Variants in FLG observed in about 807,000 individuals in gnomAD.
The protein encoded by FLG is filaggrin, also known as epidermal filaggrin.
FLG carries 6 observed loss-of-function variants against 3.8 expected under a neutral mutation model. That is an observed-to-expected ratio of 1.60 (90% CI 0.87 to 3.15). The LOEUF (loss-of-function observed/expected upper bound fraction) is 3.15, where lower values mean the gene tolerates loss of function less well. Ranked by LOEUF, FLG falls within the 30% of genes most tolerant of loss-of-function variation. The pLI, the probability that FLG is intolerant of heterozygous loss-of-function variation, is 0.00. For synonymous variants in FLG, 2,551 were observed against 1,931.6 expected (o/e 1.32, Z -8.41); for missense variants, 7,595 against 5,050.9 (o/e 1.50, Z -15.27).
Position 152,304,630 on chromosome 1 carries a change from C to T in FLG, c.10256G>A (p.Arg3419Gln), listed in dbSNP as rs267598028. Residue 3419 changes from arginine to glutamine, a missense_variant, in exon 3 of 3, where the codon CGA becomes CAA. Physicochemically the swap from Arg to Gln is conservative, Grantham distance 43 (BLOSUM62 1). Coordinates refer to ENST00000368799, the MANE Select transcript of FLG (RefSeq NM_002016.2). ...RRQGSHHEQA[R>Q]DSSRHSASQE... is the part of the protein sequence containing the mutation. The stretch of plus-strand genomic sequence containing the variant: ...GGACGCTGAGTGCCTGGAGCTGTCT[C>T]GTGCCTGCTCGTGGTGGGATCCTTG... The T allele has an allele frequency of 2.2e-5, 35 of 1,612,494 alleles. 1 individual carries two copies. Among genetic ancestry groups the T allele is most frequent in the African/African-American group, 4.0e-5 (3 of 74,618 alleles).
rs770336889 is a variant in FLG at position 152,308,819 on chromosome 1, C to G, written c.6067G>C (p.Gly2023Arg). 3 of 1,614,146 alleles carry G rather than the reference C, an allele frequency of 1.9e-6. No homozygotes were observed. The highest frequency in any genetic ancestry group is 2.2e-5 in the East Asian group (1 of 44,868). The stretch of plus-strand genomic sequence containing the variant: ...ACTGCAGATGAAGCTTGTCCATGCC[C>G]AATGCCTGAGTGTCTGGAGCTGTCT... ...SADSSRHSGI[G>R]HGQASSAVRD... Residue 2023 changes from glycine to arginine, a missense_variant, in exon 3 of 3, where the codon GGG (glycine) becomes CGG (arginine). Physicochemically the swap from Gly to Arg is moderately radical, Grantham distance 125 (BLOSUM62 -2). Transcript: ENST00000368799.
In FLG at chr1:152,308,993, C is replaced by T; in HGVS notation, c.5893G>A (p.Ala1965Thr). ...RHPGSHHEDR[A>T]GHGHSADSSR... is the part of the protein sequence containing the mutation. The stretch of plus-strand genomic sequence containing the variant: ...CTGTCTGCAGAGTGCCCGTGACCGG[C>T]TCTGTCTTCGTGATGGGACCCAGGG... Residue 1965 changes from alanine to threonine, a missense_variant, in exon 3 of 3, where the codon GCC (alanine) becomes ACC (threonine). Ala to Thr is a moderately conservative substitution (Grantham distance 58, BLOSUM62 0). Transcript: ENST00000368799. The T allele has an allele frequency of 6.2e-7, 1 of 1,614,136 alleles. No individual in the cohort carries two copies. The highest frequency in any genetic ancestry group is 2.2e-5 in the East Asian group (1 of 44,878).
chr1:152,308,813 C>T lies in FLG; in HGVS notation c.6073G>A (p.Gly2025Arg), dbSNP rs144517370. ...TCTCTGACTGCAGATGAAGCTTGTC[C>T]ATGCCCAATGCCTGAGTGTCTGGAG... ...DSSRHSGIGH[G>R]QASSAVRDSG... is the part of the protein sequence containing the mutation. The change falls in exon 3 of 3, where the codon GGA becomes AGA. Residue 2025 changes from glycine to arginine, a missense_variant. By Grantham distance (125) the Gly-to-Arg change is moderately radical. Transcript: ENST00000368799. The T allele has an allele frequency of 1.4e-3, 2,217 of 1,612,412 alleles. No individual in the cohort carries two copies. The African/African-American group carries it at 0.026, about 19-fold the overall frequency.
chr1:152,303,467 T>C lies in FLG; in HGVS notation c.11419A>G (p.Arg3807Gly). The C allele has an allele frequency of 6.2e-7, 1 of 1,614,138 alleles. No individual in the cohort carries two copies. Among genetic ancestry groups the C allele is most frequent in the Non-Finnish European group, 8.5e-7 (1 of 1,180,012 alleles). ...SDASHGQSGS[R>G]SASRETRNEE... ...TTACGTGTTTCTCTGCTTGCACTTC[T>C]GGATCCTGACTGCCCATGGGAGGCA... is the stretch of plus-strand genomic sequence containing the variant. The change falls in exon 3 of 3, where the codon AGA becomes GGA. Residue 3807 changes from arginine (R) to glycine (G), a missense_variant. Coordinates refer to ENST00000368799, the MANE Select transcript of FLG (RefSeq NM_002016.2).
chr1:152,321,486 C>A (rs1652966706), intron 1 of FLG, among the ~76,000 whole-genome samples: 1 of 150,894 alleles, frequency 6.6e-6, no homozygotes, highest in Non-Finnish European at 1.5e-5. Flanking sequence ...GGGGACATTG[C>A]TATCGAGGTT....
Position 152,310,156 on chromosome 1 carries a change from C to T in FLG, c.4730G>A (p.Gly1577Asp), listed in dbSNP as rs1557877439. ...CTTGGACCCCGCTGATTCTCCCTGG[C>T]CCACCTGTGAGTGTCTAGAGCTGCC... Reference protein sequence around the residue: ...RAGSSRHSQVGQGESAGSKTS... With the variant: ...RAGSSRHSQVDQGESAGSKTS... The change falls in exon 3 of 3, where the codon GGC (glycine) becomes GAC (aspartate). Residue 1577 changes from glycine to aspartate, a missense_variant. Gly to Asp is a moderately conservative substitution (Grantham distance 94, BLOSUM62 -1). Coordinates refer to ENST00000368799, the MANE Select transcript of FLG (RefSeq NM_002016.2). 2 of 1,613,822 alleles carry T rather than the reference C, an allele frequency of 1.2e-6. No homozygotes were observed. Among genetic ancestry groups the T allele is most frequent in the East Asian group, 2.2e-5 (1 of 44,836 alleles).
At position 152,314,908 on chromosome 1, in the gene FLG, G is replaced by A. The variant is rs2101653942; in HGVS notation, c.139-161C>T. On this transcript the variant is annotated intron_variant, in intron 2 of 2. Coordinates refer to ENST00000368799, the MANE Select transcript of FLG (RefSeq NM_002016.2). Reference sequence around the variant, plus strand: ...TTTTTTGTCTCATCCTCATTCAGGTGTTATATGTGAACAAAGATGTAGACT... The same window carrying A: ...TTTTTTGTCTCATCCTCATTCAGGTATTATATGTGAACAAAGATGTAGACT... 5 of 769,728 alleles carry A rather than the reference G, an allele frequency of 6.5e-6. No homozygotes were observed. In the East Asian group the frequency reaches 1.3e-4, roughly 21 times the overall value. The allele number at this position is 769,728 out of a possible 1,614,324, so 47.7% of individuals were successfully genotyped here.
At chr1:152,317,809 A>G (rs1261192306) in intron 1 of FLG, among the ~76,000 whole-genome samples, 1 of 151,986 alleles carries the variant, frequency 6.6e-6, no homozygotes, top group Non-Finnish European at 1.5e-5. Context: ...TAAATCTATT[A>G]TGTTCAAAAC....
rs1273563413 is a variant in FLG at position 152,304,888 on chromosome 1, C to T, written c.9998G>A (p.Trp3333Ter). The T allele has an allele frequency of 1.2e-5, 20 of 1,613,646 alleles. No homozygotes were observed. Among genetic ancestry groups the T allele is most frequent in the Non-Finnish European group, 1.6e-5 (19 of 1,179,948 alleles). ...ASSAVRDSRH[W>*]GSSGSQASDS... ...ACTGGCCTGACTACCACTGGACCCC[C>T]AGTGTCTACTGTCTCTGACTGCAGA... The change falls in exon 3 of 3, where the codon TGG becomes TAG. Residue 3333 changes from tryptophan to a stop codon, truncating the protein, a stop_gained. Transcript: ENST00000368799. LOFTEE classifies it low-confidence loss of function (END_TRUNC).
chr1:152,304,816 C>A lies in FLG; in HGVS notation c.10070G>T (p.Gly3357Val), dbSNP rs778243565. The change falls in exon 3 of 3, where the codon GGC becomes GTC. Residue 3357 changes from glycine (G) to valine (V), a missense_variant. Transcript: ENST00000368799. ...SEESDTQSVS[G>V]HGQAGPHQQS... ...CTGATGGGGCCCAGCCTGTCCATGG[C>A]CTGACACTGACTGTGTGTCTGACTC... 1.2e-6 allele frequency: 2 copies of A among 1,613,580 alleles called. No individual in the cohort carries two copies. The highest frequency in any genetic ancestry group is 2.2e-5 in the East Asian group (1 of 44,838).
chr1:152,313,142 T>G lies in FLG; in HGVS notation c.1744A>C (p.Arg582=). 6.2e-6 allele frequency: 10 copies of G among 1,613,922 alleles called. No homozygotes were observed. The highest frequency in any genetic ancestry group is 8.5e-6 in the Non-Finnish European group (10 of 1,180,008). The change falls in exon 3 of 3, where the codon AGG becomes CGG. Residue 582 remains arginine, a synonymous_variant. Coordinates refer to ENST00000368799, the MANE Select transcript of FLG (RefSeq NM_002016.2). ...RNEEQSGDGT[R]HSGSRHHEAS... ...TCATGATGACGTGACCCTGAGTGCC[T>G]GGTGCCGTCTCCTGATTGTTCCTCA...
chr1:152,318,974 A>G (rs559727109), intron 1 of FLG, among the ~76,000 whole-genome samples: 18 of 151,858 alleles, frequency 1.2e-4, no homozygotes, highest in Admixed American at 8.5e-4. Context: ...GAAAAATAAG[A>G]AGGAAGTAGC....
Position 152,303,352 on chromosome 1 carries a change from G to C in FLG, c.11534C>G (p.Ser3845Cys). The stretch of plus-strand genomic sequence containing the variant: ...GGACCCCGCTGATTCACCCTGGCCG[G>C]ACTGTGAGTGTCTAGAGCTGTCAGC... ...TQADSSRHSQ[S>C]GQGESAGSRR... is the part of the protein sequence containing the mutation. Residue 3845 changes from serine (S) to cysteine (C), a missense_variant, in exon 3 of 3, where the codon TCC becomes TGC. Coordinates refer to ENST00000368799, the MANE Select transcript of FLG (RefSeq NM_002016.2). 1.9e-6 allele frequency: 3 copies of C among 1,614,124 alleles called. No individual in the cohort carries two copies. The highest frequency in any genetic ancestry group is 1.7e-6 in the Non-Finnish European group (2 of 1,180,018).
chr1:152,311,788 T>G lies in FLG; in HGVS notation c.3098A>C (p.His1033Pro). The G allele has an allele frequency of 1.2e-6, 2 of 1,614,116 alleles. No homozygotes were observed. Among genetic ancestry groups the G allele is most frequent in the South Asian group, 1.1e-5 (1 of 91,080 alleles). Residue 1033 changes from histidine (H) to proline (P), a missense_variant, in exon 3 of 3, where the codon CAC becomes CCC. His to Pro is a moderately conservative substitution (Grantham distance 77). Transcript: ENST00000368799. ...TGCTGACTGCTGGTGGCGGGATCCG[T>G]GTCTTTCTCCTGGACTTGATCTTGC... ...EQARSSPGER[H>P]GSRHQQSADS...
In FLG at chr1:152,311,441, C is replaced by T. The variant is rs753285760; in HGVS notation, c.3445G>A (p.Ala1149Thr). ...GCTGAGTGCCTGGAGCTGTCTCGTG[C>T]CTGCTCGTGGTGGGATCCTTGTCTT... The part of the protein sequence containing the change: ...GRRQGSHHEQ[A>T]RDSSRHSASQ... Residue 1149 changes from alanine (A) to threonine (T), a missense_variant, in exon 3 of 3, where the codon GCA becomes ACA. Transcript: ENST00000368799. 6.2e-6 allele frequency: 10 copies of T among 1,613,818 alleles called. No homozygotes were observed. The highest frequency in any genetic ancestry group is 2.2e-5 in the East Asian group (1 of 44,820).
chr1:152,311,034 C>G lies in FLG; in HGVS notation c.3852G>C (p.Glu1284Asp). The change falls in exon 3 of 3, where the codon GAG becomes GAC. Residue 1284 changes from glutamate (E) to aspartate (D), a missense_variant. Glu to Asp is a conservative substitution (Grantham distance 45). Transcript: ENST00000368799. ...SDSERHSDDS[E>D]RLSGSASRNH... is the part of the protein sequence containing the mutation. The stretch of plus-strand genomic sequence containing the variant: ...TTCTGGAAGCAGACCCAGACAACCT[C>G]TCGGAGTCGTCTGAGTGTCTCTCAC... 1 of 1,613,972 alleles carries G rather than the reference C, an allele frequency of 6.2e-7. No homozygotes were observed. The highest frequency in any genetic ancestry group is 8.5e-7 in the Non-Finnish European group (1 of 1,179,990).
At position 152,313,566 on chromosome 1, in the gene FLG, G is replaced by C. The variant is rs376019219; in HGVS notation, c.1320C>G (p.His440Gln). The change falls in exon 3 of 3, where the codon CAC (histidine) becomes CAG (glutamine). Residue 440 changes from histidine to glutamine, a missense_variant. Coordinates refer to ENST00000368799, the MANE Select transcript of FLG (RefSeq NM_002016.2). ...TCTGCTGTCTCAGCCCAGCCTTTCCGTGGCCTGACACTGATTGTGTGTCTG... is the reference window on the plus strand; with the variant it reads ...TCTGCTGTCTCAGCCCAGCCTTTCCCTGGCCTGACACTGATTGTGTGTCTG... ...ENSDTQSVSGHGKAGLRQQSH... is the reference protein window; with the variant it reads ...ENSDTQSVSGQGKAGLRQQSH... 1.2e-6 allele frequency: 2 copies of C among 1,613,926 alleles called. No homozygotes were observed. The highest frequency in any genetic ancestry group is 2.2e-5 in the South Asian group (2 of 91,062).
In FLG at chr1:152,308,110, C is replaced by T. The variant is rs542918091; in HGVS notation, c.6776G>A (p.Arg2259Gln). The change falls in exon 3 of 3, where the codon CGG becomes CAG. Residue 2259 changes from arginine (R) to glutamine (Q), a missense_variant. Coordinates refer to ENST00000368799, the MANE Select transcript of FLG (RefSeq NM_002016.2). ...SEGHSEDSER[R>Q]SGSASRNHHG... ...ATGGTTTCTGGACGCAGACCCAGAC[C>T]GCCTCTCAGAATCTTCTGAGTGTCC... is the stretch of plus-strand genomic sequence containing the variant. 1.5e-5 allele frequency: 24 copies of T among 1,613,416 alleles called. No individual in the cohort carries two copies. In the East Asian group the frequency reaches 1.6e-4, roughly 11 times the overall value.
chr1:152,313,277 T>A lies in FLG; in HGVS notation c.1609A>T (p.Asn537Tyr), dbSNP rs770898927. The A allele has an allele frequency of 5.0e-6, 8 of 1,613,666 alleles. No individual in the cohort carries two copies. In the South Asian group the frequency reaches 6.6e-5, roughly 13 times the overall value. ...RQGSHHEQSV[N>Y]RSGHSGSHHS... ...TGGGAACCTGAGTGTCCAGACCTAT[T>A]TACCGATTGCTCGTGGTGGGATCCC... The change falls in exon 3 of 3, where the codon AAT becomes TAT. Residue 537 changes from asparagine (N) to tyrosine (Y), a missense_variant. Coordinates refer to ENST00000368799, the MANE Select transcript of FLG (RefSeq NM_002016.2).
Sources: gnomAD v4.1 joint callset for allele counts (sites outside exome capture counted in the v4.1 genomes callset) on GRCh38, gnomAD v4.1.1 for gene constraint, MANE v1.5 for transcripts, NCBI Gene and HGNC (gene_info 2026-07-23, HGNC 2026-07-21) for gene names.